Variants in EPG5 observed in about 807,000 individuals in gnomAD.
EPG5 encodes the protein ectopic P-granules 5 autophagy tethering factor.
EPG5 carries 159 observed loss-of-function variants against 302.7 expected under a neutral mutation model. That is an observed-to-expected ratio of 0.53 (90% confidence interval 0.46 to 0.60). The LOEUF (loss-of-function observed/expected upper bound fraction) is 0.60, where lower values mean the gene tolerates loss of function less well. EPG5 is among the 20% of genes least tolerant of loss of function. EPG5 has a pLI of 0.00. For synonymous variants in EPG5, 1,158 were observed against 1,136.8 expected (o/e 1.02, Z -0.37); for missense variants, 2,896 against 3,092.4 (o/e 0.94, Z 1.51).
At chr18:45,918,591 A>T (rs2050083230) in intron 16 of EPG5, among the ~76,000 whole-genome samples, 2 of 152,234 alleles carry the variant, frequency 1.3e-5, no homozygotes, top group Non-Finnish European at 2.9e-5. Flanking sequence ...GATCCATATA[A>T]AGAGGCGCTT....
At chr18:45,935,882 G>A (rs1200620436) in intron 10 of EPG5, among the ~76,000 whole-genome samples, 1 of 152,156 alleles carries the variant, frequency 6.6e-6, no homozygotes, top group East Asian at 1.9e-4. Context: ...CAAGCCTGGA[G>A]AGACCCCACA....
chr18:45,939,590 T>A lies in EPG5; in HGVS notation c.2099+10A>T, dbSNP rs1568173246. The A allele has an allele frequency of 6.2e-7, 1 of 1,613,688 alleles. No individual in the cohort carries two copies. On this transcript the variant is annotated intron_variant, in intron 10 of 43. Transcript: ENST00000282041. ...ACTTCTCACTAAATATCATCATATG[T>A]CTTACTTACCTTTTGGCCTTCAGCA...
intron 1 of EPG5, among the ~76,000 whole-genome samples, chr18:45,964,419 GA>G (rs1476729615): frequency 6.6e-6 from 1 of 152,004 alleles, no homozygotes; most frequent in Non-Finnish European, 1.5e-5. Flanking sequence ...TATCTTGGGG[GA>G]AAAAAACTAG....
chr18:45,924,813 G>A lies in EPG5; in HGVS notation c.2718+925C>T, dbSNP rs115388215. On this transcript the variant is annotated intron_variant, in intron 14 of 43. Transcript: ENST00000282041. ...CACGCGCCTGTAATCCCAGCTACTC[G>A]GCAGAAGGCTCTCTTAAGCCCAGGA... 6.5e-3 allele frequency among the ~76,000 whole-genome samples: 985 copies of A among 152,208 alleles called. 13 individuals are homozygous for A. Among genetic ancestry groups the A allele is most frequent in the African/African-American group, 0.023 (944 of 41,546 alleles).
chr18:45,961,419 T>A (rs2051146552), intron 1 of EPG5, among the ~76,000 whole-genome samples: 1 of 152,182 alleles, frequency 6.6e-6, no homozygotes, highest in Admixed American at 6.5e-5. Flanking sequence ...CCACACTGCC[T>A]CCTTGCAGTT....
At chr18:45,927,591 T>TACACAC (rs770234934) in intron 13 of EPG5, among the ~76,000 whole-genome samples, 39 of 75,624 alleles carry the variant, frequency 5.2e-4, no homozygotes, top group South Asian at 3.2e-3. Context: ...AACAAAAAGT[T>TACACAC]ATACACACAC....
chr18:45,965,998 A>AGCCGAGATTGCACTCC (rs1291322061), intron 1 of EPG5, among the ~76,000 whole-genome samples: 5 of 151,886 alleles, frequency 3.3e-5, no homozygotes, highest in Non-Finnish European at 7.4e-5. Flanking sequence ...GGTTGCGGTG[A>AGCCGAGATTGCACTCC]GCCGAGATTG....
At chr18:45,808,434 T>G in the EPG5 span, among the ~76,000 whole-genome samples, 1 of 152,168 alleles carries the variant, frequency 6.6e-6, no homozygotes, top group Non-Finnish European at 1.5e-5. Context: ...CAACAGGTTA[T>G]GTAAAGTTAA....
rs924282099 is a variant in EPG5 at position 45,848,805 on chromosome 18, T to C, written c.*3662A>G. 1 of 152,216 alleles carries C rather than the reference T, an allele frequency of 6.6e-6. No individual in the cohort carries two copies. The highest frequency in any genetic ancestry group is 1.5e-5 in the Non-Finnish European group (1 of 68,086). The allele number at this position is 152,216 out of a possible 1,614,324, so 9.4% of individuals were successfully genotyped here. A position where few individuals can be genotyped will look rare whatever the true frequency, so the allele number is the denominator to read the frequency against. On this transcript the variant is annotated 3_prime_UTR_variant, in exon 44 of 44. Transcript: ENST00000282041. ...CTAACTAAAGACATTGCAGGGGAGA[T>C]GGGCGCGGTGGCTCACGCCTGTAAT...
chr18:45,895,745 C>T (rs1260407401), intron 27 of EPG5, among the ~76,000 whole-genome samples: 1 of 152,172 alleles, frequency 6.6e-6, no homozygotes, highest in Non-Finnish European at 1.5e-5. Flanking sequence ...TCACTGGACA[C>T]ATCTATATAG....
intron 36 of EPG5, 77 bp from the exon 37 acceptor site, chr18:45,867,825 A>C (rs912389544): frequency 7.5e-7 from 1 of 1,326,042 alleles, no homozygotes; most frequent in Non-Finnish European, 1.0e-6. Context: ...AAATTGTTTC[A>C]TAATTATGTT....
downstream of EPG5, chr18:45,842,781 C>T (rs561854030): frequency 1.3e-5 from 2 of 153,760 alleles, no homozygotes; most frequent in Admixed American, 1.3e-4. Flanking sequence ...ATGACAGAAC[C>T]CTCTTTGCAG....
chr18:45,965,015 C>G (rs982797563), intron 1 of EPG5, among the ~76,000 whole-genome samples: 4 of 152,124 alleles, frequency 2.6e-5, no homozygotes, highest in African/African-American at 9.7e-5. Context: ...CAGAATAACT[C>G]CTCACAGACC....
chr18:45,804,390 C>T, the EPG5 span, among the ~76,000 whole-genome samples: 1 of 152,036 alleles, frequency 6.6e-6, no homozygotes, highest in African/African-American at 2.4e-5. Flanking sequence ...AAAAAGTCCC[C>T]AAATTTGGCA....
chr18:45,855,492 G>T, intron 43 of EPG5, 81 bp downstream of exon 43: 2 of 919,762 alleles, frequency 2.2e-6, no homozygotes, highest in Non-Finnish European at 3.5e-6. Context: ...GTCATGACGC[G>T]CACAGGCTAC....
At chr18:45,839,011 G>A in the EPG5 span, 1 of 1,590,762 alleles carries the variant, frequency 6.3e-7, no homozygotes, top group Non-Finnish European at 8.5e-7. Flanking sequence ...GGCCTCGACG[G>A]TCGCCCTCCT....
At chr18:45,931,826 C>T (rs2050403136) in intron 11 of EPG5, among the ~76,000 whole-genome samples, 1 of 151,728 alleles carries the variant, frequency 6.6e-6, no homozygotes, top group African/African-American at 2.4e-5. Context: ...CAGAGCAAGA[C>T]TCCATTTCAA....
At chr18:45,907,670 C>T (rs1295040707) in intron 24 of EPG5, among the ~76,000 whole-genome samples, 7 of 151,654 alleles carry the variant, frequency 4.6e-5, no homozygotes, top group Non-Finnish European at 1.0e-4. Context: ...TAACAACTTC[C>T]AATTAAAAAA....
intron 1 of EPG5, among the ~76,000 whole-genome samples, chr18:45,963,126 G>A (rs2051183327): frequency 6.6e-6 from 1 of 152,192 alleles, no homozygotes; most frequent in Admixed American, 6.5e-5. Context: ...CTCCCTCAGT[G>A]AGTTCAAAAT....
Sources: gnomAD v4.1 joint callset for allele counts (sites outside exome capture counted in the v4.1 genomes callset) on GRCh38, gnomAD v4.1.1 for gene constraint, MANE v1.5 for transcripts, NCBI Gene and HGNC (gene_info 2026-07-23, HGNC 2026-07-21) for gene names.